ATP1B2: variants seen among roughly 807,000 people sequenced by gnomAD.
ATP1B2 encodes ATPase Na+/K+ transporting subunit beta 2, also known as sodium/potassium-transporting ATPase subunit beta-2.
In ATP1B2, 12 loss-of-function variants were observed where a neutral mutation model predicts 37.3. That is an observed-to-expected ratio of 0.32 (90% CI 0.21 to 0.52). ATP1B2 has a LOEUF of 0.52. Among genes scored for constraint, ATP1B2 ranks in the 20% least tolerant of loss-of-function variants. The pLI, the probability that ATP1B2 is intolerant of heterozygous loss-of-function variation, is 0.96. For missense variants in ATP1B2, 324 were observed against 391.6 expected (o/e 0.83, Z 1.46); for synonymous variants, 139 against 140.5 (o/e 0.99, Z 0.07).
In ATP1B2 at chr17:7,654,116, G is replaced by C. The variant is rs759813372; in HGVS notation, c.411G>C (p.Gln137His). Residue 137 changes from glutamine to histidine, a missense_variant, in exon 4 of 7, where the codon CAG becomes CAC. Physicochemically the swap from Gln to His is conservative, Grantham distance 24 (BLOSUM62 0). Transcript: ENST00000250111. This position sits in a 1 kb window ranked among gnomAD's most constrained non-coding sequence, Gnocchi z 4.9. The stretch of plus-strand genomic sequence containing the variant: ...GCCGCCCTGGACGCTATTACGAACA[G>C]CCAGATAATGGAGTCCTCAACTACC... Reference protein sequence around the residue: ...DVCRPGRYYEQPDNGVLNYPK... With the variant: ...DVCRPGRYYEHPDNGVLNYPK... 6.2e-7 allele frequency: 1 copy of C among 1,614,186 alleles called. No individual in the cohort carries two copies. The highest frequency in any genetic ancestry group is 1.7e-5 in the Admixed American group (1 of 60,026).
Position 7,654,068 on chromosome 17 carries a change from C to A in ATP1B2, c.363C>A (p.Ile121=). 1 of 1,614,180 alleles carries A rather than the reference C, an allele frequency of 6.2e-7. No individual in the cohort carries two copies. Among genetic ancestry groups the A allele is most frequent in the Non-Finnish European group, 8.5e-7 (1 of 1,180,038 alleles). ...NKFLEPYNDS[I]QAQKNDVCRP... is the part of the protein sequence containing the mutation. ...CCTCTTTAGCTTACAACGACTCTATCCAAGCCCAAAAGAATGATGTCTGCC... is the reference window on the plus strand; with the variant it reads ...CCTCTTTAGCTTACAACGACTCTATACAAGCCCAAAAGAATGATGTCTGCC... The change falls in exon 4 of 7, where the codon ATC becomes ATA. Residue 121 remains isoleucine, a synonymous_variant. Transcript: ENST00000250111. The surrounding 1 kb of genome is among the most constrained non-coding windows in gnomAD (Gnocchi z 4.9).
Position 7,654,124 on chromosome 17 carries a change from A to G in ATP1B2, c.419A>G (p.Asn140Ser), listed in dbSNP as rs1350259616. 21 of 1,614,058 alleles carry G rather than the reference A, an allele frequency of 1.3e-5. No individual in the cohort carries two copies. In the Admixed American group the frequency reaches 3.3e-4, roughly 26 times the overall value. Residue 140 changes from asparagine to serine, a missense_variant, in exon 4 of 7, where the codon AAT (asparagine) becomes AGT (serine). Physicochemically the swap from Asn to Ser is conservative, Grantham distance 46. Transcript: ENST00000250111. This position sits in a 1 kb window ranked among gnomAD's most constrained non-coding sequence, Gnocchi z 4.9. ...GGACGCTATTACGAACAGCCAGATA[A>G]TGGAGTCCTCAACTACCCCAAACGT... is the stretch of plus-strand genomic sequence containing the variant. ...RPGRYYEQPD[N>S]GVLNYPKRAC...
chr17:7,647,871 A>G (rs529799024), upstream of ATP1B2, among the ~76,000 whole-genome samples: 2 of 151,934 alleles, frequency 1.3e-5, no homozygotes, highest in East Asian at 3.9e-4. Context: ...AAAAAACACC[A>G]TGAGAAAGCC....
In ATP1B2 at chr17:7,655,584, A is replaced by G. The variant is rs2072644731; in HGVS notation, c.667A>G (p.Ile223Val). 11 of 1,614,156 alleles carry G rather than the reference A, an allele frequency of 6.8e-6. No homozygotes were observed. The highest frequency in any genetic ancestry group is 9.3e-6 in the Non-Finnish European group (11 of 1,180,034). Residue 223 changes from isoleucine to valine, a missense_variant, in exon 6 of 7, where the codon ATC becomes GTC. Coordinates refer to ENST00000250111, the MANE Select transcript of ATP1B2 (RefSeq NM_001678.5). This position sits in a 1 kb window ranked among gnomAD's most constrained non-coding sequence, Gnocchi z 4.4. ...CGTCATGTTCCCCGCCAACGGCAAC[A>G]TCGACCTCATGTACTTCCCCTACTA... ...NFVMFPANGN[I>V]DLMYFPYYGK...
At chr17:7,649,376 G>C (rs80300892), upstream of ATP1B2, among the ~76,000 whole-genome samples, 1 of 151,222 alleles carries the variant, frequency 6.6e-6, no homozygotes, top group African/African-American at 2.4e-5. Flanking sequence ...GCCTGGCCGA[G>C]ATAATGATTT....
chr17:7,649,507 C>T (rs535765168), upstream of ATP1B2, among the ~76,000 whole-genome samples: 9 of 152,130 alleles, frequency 5.9e-5, no homozygotes, highest in Admixed American at 2.0e-4. Context: ...CCTGCTTCAG[C>T]CTCCTGAGTA....
chr17:7,655,807 G>A lies in ATP1B2; in HGVS notation c.785G>A (p.Arg262His), dbSNP rs765060572. 5 of 1,613,970 alleles carry A rather than the reference G, an allele frequency of 3.1e-6. No homozygotes were observed. Among genetic ancestry groups the A allele is most frequent in the South Asian group, 1.1e-5 (1 of 91,084 alleles). The part of the protein sequence containing the change: ...TPNVEVNVEC[R>H]INAANIATDD... ...AACGTGGAGGTGAATGTAGAATGTCGCATCAACGCCGCCAACATCGCCACA... is the reference window on the plus strand; with the variant it reads ...AACGTGGAGGTGAATGTAGAATGTCACATCAACGCCGCCAACATCGCCACA... The change falls in exon 7 of 7, where the codon CGC (arginine) becomes CAC (histidine). Residue 262 changes from arginine to histidine, a missense_variant. Arg to His is a conservative substitution (Grantham distance 29). Coordinates refer to ENST00000250111, the MANE Select transcript of ATP1B2 (RefSeq NM_001678.5). The surrounding 1 kb of genome is among the most constrained non-coding windows in gnomAD (Gnocchi z 4.4).
Position 7,655,683 on chromosome 17 carries a change from AGGCC to A in ATP1B2, c.709-46_709-43del. ...GGTGCGGGTGGTGAGCTAGGGAAGG[AGGCC>A]GCGTTGCCCCAGGCCTAGACCCTGC... On this transcript the variant is annotated intron_variant, in intron 6 of 6. Coordinates refer to ENST00000250111, the MANE Select transcript of ATP1B2 (RefSeq NM_001678.5). The surrounding 1 kb of genome is among the most constrained non-coding windows in gnomAD (Gnocchi z 4.4). 6.2e-7 allele frequency: 1 copy of A among 1,613,906 alleles called. No individual in the cohort carries two copies. Among genetic ancestry groups the A allele is most frequent in the South Asian group, 1.1e-5 (1 of 91,082 alleles).
chr17:7,653,755 T>C, intron 2 of ATP1B2, 86 bp from the exon 3 acceptor site: 1 of 1,393,062 alleles, frequency 7.2e-7, no homozygotes, highest in Non-Finnish European at 1.0e-6. Context: ...GTCCCCACTC[T>C]GGTGTTCCCT....
chr17:7,656,040 T>C lies in ATP1B2; in HGVS notation c.*145T>C, dbSNP rs35855036. ...GAGCCTCACATCCTTTTCCTTGACT[T>C]CTCAACCCAGCCTGAAGTCCATTGC... is the stretch of plus-strand genomic sequence containing the variant. On this transcript the variant is annotated 3_prime_UTR_variant, in exon 7 of 7. Transcript: ENST00000250111. 5.9e-4 allele frequency: 672 copies of C among 1,138,042 alleles called. 6 individuals carry two copies. The African/African-American group carries it at 8.4e-3, about 14-fold the overall frequency. 70.5% of individuals were successfully genotyped at this position (1,138,042 alleles called of 1,614,324 possible). A position where few individuals can be genotyped will look rare whatever the true frequency, so the allele number is the denominator to read the frequency against.
chr17:7,649,024 C>G (rs2072592566), upstream of ATP1B2, among the ~76,000 whole-genome samples: 1 of 151,904 alleles, frequency 6.6e-6, no homozygotes, highest in African/African-American at 2.4e-5. Context: ...CAGAGGCCAG[C>G]CCCAACTCCC....
Position 7,656,790 on chromosome 17 carries a change from G to A in ATP1B2, c.*895G>A, listed in dbSNP as rs1377493883. 1 of 152,040 alleles carries A rather than the reference G, an allele frequency of 6.6e-6. No homozygotes were observed. Among genetic ancestry groups the A allele is most frequent in the African/African-American group, 2.4e-5 (1 of 41,380 alleles). 9.4% of individuals were successfully genotyped at this position (152,040 alleles called of 1,614,324 possible). On this transcript the variant is annotated 3_prime_UTR_variant, in exon 7 of 7. Transcript: ENST00000250111. ...TCCCGCCTCAGGTTCCCGAGTAGCT[G>A]GGACTACAGGCATGTGCCACCATGC...
chr17:7,650,647 TTG>T (rs982283587), upstream of ATP1B2, among the ~76,000 whole-genome samples: 1 of 151,992 alleles, frequency 6.6e-6, no homozygotes, highest in Admixed American at 6.6e-5. Context: ...CTCTCTGCCG[TTG>T]TGTTTCTCTG....
chr17:7,648,893 C>T (rs926409847), upstream of ATP1B2, among the ~76,000 whole-genome samples: 1 of 152,156 alleles, frequency 6.6e-6, no homozygotes, highest in Non-Finnish European at 1.5e-5. Flanking sequence ...TCCTTTCCCA[C>T]TAGTCTCCGA....
upstream of ATP1B2, among the ~76,000 whole-genome samples, chr17:7,647,416 C>G (rs2072581714): frequency 6.6e-6 from 1 of 152,178 alleles, no homozygotes; most frequent in Admixed American, 6.5e-5. Flanking sequence ...AATCCTAGCA[C>G]TTTGGGAGGC....
chr17:7,657,458 T>G lies in ATP1B2; in HGVS notation c.*1563T>G, dbSNP rs1474628932. On this transcript the variant is annotated 3_prime_UTR_variant, in exon 7 of 7. Coordinates refer to ENST00000250111, the MANE Select transcript of ATP1B2 (RefSeq NM_001678.5). Reference sequence around the variant, plus strand: ...AAATGAGGGGCCTCCTGCCTCCTGCTCTGAATATTCTGTAGCTGTAGAGGC... The same window carrying G: ...AAATGAGGGGCCTCCTGCCTCCTGCGCTGAATATTCTGTAGCTGTAGAGGC... The G allele has an allele frequency of 1.3e-5, 2 of 152,108 alleles. No individual in the cohort carries two copies. The highest frequency in any genetic ancestry group is 2.9e-5 in the Non-Finnish European group (2 of 68,058). The allele number at this position is 152,108 out of a possible 1,614,324, so 9.4% of individuals were successfully genotyped here. A position where few individuals can be genotyped will look rare whatever the true frequency, so the allele number is the denominator to read the frequency against.
In ATP1B2 at chr17:7,654,224, T is replaced by C. The variant is rs1017362714; in HGVS notation, c.519T>C (p.Thr173=). 1 of 1,614,076 alleles carries C rather than the reference T, an allele frequency of 6.2e-7. No homozygotes were observed. The highest frequency in any genetic ancestry group is 1.3e-5 in the African/African-American group (1 of 75,048). ...IGDSTHYGYS[T]GQPCVFIKMN... ...ACTCCACCCACTATGGTTACAGCAC[T>C]GGGCAGCCCTGTGTCTTCATCAAGA... The change falls in exon 4 of 7, where the codon ACT becomes ACC. Residue 173 remains threonine (T), a synonymous_variant. Transcript: ENST00000250111. The surrounding 1 kb of genome is among the most constrained non-coding windows in gnomAD (Gnocchi z 4.9).
In ATP1B2 at chr17:7,653,960, G is replaced by A. The variant is rs757083819; in HGVS notation, c.346+15G>A. ...GTTCTTGGAGCGTGAGTGTGGGCCT[G>A]GTTATGTGTCAGTTCAAGACTTCGG... On this transcript the variant is annotated intron_variant, in intron 3 of 6. Coordinates refer to ENST00000250111, the MANE Select transcript of ATP1B2 (RefSeq NM_001678.5). 2 of 1,613,950 alleles carry A rather than the reference G, an allele frequency of 1.2e-6. No individual in the cohort carries two copies. The highest frequency in any genetic ancestry group is 3.3e-5 in the Admixed American group (2 of 60,006).
rs1274869040 is a variant in ATP1B2 at position 7,656,868 on chromosome 17, TG to T, written c.*978del. 2.7e-5 allele frequency: 4 copies of T among 145,646 alleles called. No homozygotes were observed. Among genetic ancestry groups the T allele is most frequent in the Non-Finnish European group, 3.0e-5 (2 of 66,770 alleles). 9.0% of individuals were successfully genotyped at this position (145,646 alleles called of 1,614,324 possible). ...TTTTTTTTGCATTTTTTAGTAGAGATGGGGGTTTCTCCTTGTTGGTCAGGCT... is the reference window on the plus strand; with the variant it reads ...TTTTTTTTGCATTTTTTAGTAGAGATGGGGTTTCTCCTTGTTGGTCAGGCT... On this transcript the variant is annotated 3_prime_UTR_variant, in exon 7 of 7. Transcript: ENST00000250111.
Sources: gnomAD v4.1 joint callset for allele counts (sites outside exome capture counted in the v4.1 genomes callset) on GRCh38, gnomAD v4.1.1 for gene constraint, Gnocchi (gnomAD v3.1) non-coding constraint, MANE v1.5 for transcripts, NCBI Gene and HGNC (gene_info 2026-07-23, HGNC 2026-07-21) for gene names.